The following HMCN1 variants were observed in gnomAD, a reference collection of about 807,000 sequenced individuals.
HMCN1 encodes hemicentin-1.
Under a neutral mutation model 625.9 loss-of-function variants are expected in HMCN1, and 321 were observed. The observed-to-expected ratio is 0.51, with a 90% confidence interval of 0.47 to 0.56. HMCN1 has a LOEUF of 0.56. Ranked by LOEUF, HMCN1 falls within the 20% of genes least tolerant of loss-of-function variation. HMCN1 has a pLI of 0.00. For missense variants in HMCN1, 6,588 were observed against 6,887.3 expected (o/e 0.96, Z 1.54); for synonymous variants, 2,425 against 2,417.6 (o/e 1.00, Z -0.09).
At chr1:185,876,441 T>C (rs1663936942) in intron 4 of HMCN1, among the ~76,000 whole-genome samples, 1 of 152,148 alleles carries the variant, frequency 6.6e-6, no homozygotes, top group Admixed American at 6.6e-5. Flanking sequence ...GTGGGTTTGC[T>C]GGGTCAAATG....
chr1:185,968,537 T>G (rs575854312), intron 14 of HMCN1, among the ~76,000 whole-genome samples: 1 of 151,294 alleles, frequency 6.6e-6, no homozygotes, highest in South Asian at 2.1e-4. Flanking sequence ...TTCACCAGGG[T>G]CCCCATTAAT....
At chr1:186,175,622 A>G (rs555970201) in intron 103 of HMCN1, among the ~76,000 whole-genome samples, 81 of 152,322 alleles carry the variant, frequency 5.3e-4, no homozygotes, top group Non-Finnish European at 1.0e-3. Context: ...GACTTTTCAG[A>G]ATGAAATAGT....
intron 36 of HMCN1, among the ~76,000 whole-genome samples, chr1:186,029,642 G>A (rs778286997): frequency 2.6e-5 from 4 of 151,558 alleles, no homozygotes; most frequent in African/African-American, 4.8e-5. Flanking sequence ...TGTAGCTGAA[G>A]TCTTTTTCAT....
rs142456335 is a variant in HMCN1, at chr1:186,166,857, C to T, written c.15489C>T (p.Asp5163=). ...LGRHTCHAGQ[D]CDNTIGSYRC... ...GGCATACCTGCCACGCTGGTCAGGA[C>T]TGTGACAATACGATTGGATCTTATC... The change falls in exon 100 of 107, where the codon GAC becomes GAT. Residue 5163 remains aspartate, a synonymous_variant. Transcript: ENST00000271588. The T allele has an allele frequency of 1.0e-3, 1,630 of 1,614,146 alleles. 1 individual carries two copies. Among genetic ancestry groups the T allele is most frequent in the Middle Eastern group, 4.8e-3 (29 of 6,062 alleles).
Position 186,035,714 on chromosome 1 carries a change from T to C in HMCN1, c.5750-2220T>C, listed in dbSNP as rs988242396. Reference sequence around the variant, plus strand: ...TAGCTTTATATTTTCATTGTTGATTTATATTTTATAGCTTTATTAAATTGT... The same window carrying C: ...TAGCTTTATATTTTCATTGTTGATTCATATTTTATAGCTTTATTAAATTGT... On this transcript the variant is annotated intron_variant, in intron 36 of 106. Coordinates refer to ENST00000271588, the MANE Select transcript of HMCN1 (RefSeq NM_031935.3). 3.9e-5 allele frequency among the ~76,000 whole-genome samples: 6 copies of C among 152,160 alleles called. 1 individual carries two copies.
At chr1:185,861,817 G>A (rs1252741020) in intron 2 of HMCN1, among the ~76,000 whole-genome samples, 1 of 152,136 alleles carries the variant, frequency 6.6e-6, no homozygotes, top group Non-Finnish European at 1.5e-5. Flanking sequence ...AGAGGGGAAG[G>A]CATATTATCT....
chr1:185,951,791 A>G (rs1420261444), intron 11 of HMCN1, among the ~76,000 whole-genome samples: 3 of 151,654 alleles, frequency 2.0e-5, no homozygotes, highest in African/African-American at 7.3e-5. Flanking sequence ...GTTCTGGAGG[A>G]ACGCCTGGCT....
Position 186,153,021 on chromosome 1 carries a change from A to C in HMCN1, c.15018+150A>C. On this transcript the variant is annotated intron_variant, in intron 96 of 106. Coordinates refer to ENST00000271588, the MANE Select transcript of HMCN1 (RefSeq NM_031935.3). ...AATAACTATCTGATCTTTGTTTAAAAATCTTCAGGGACAAGTTTTTACAAA... is the reference window on the plus strand; with the variant it reads ...AATAACTATCTGATCTTTGTTTAAACATCTTCAGGGACAAGTTTTTACAAA... 3.5e-6 allele frequency: 4 copies of C among 1,128,182 alleles called. No homozygotes were observed. The South Asian group carries it at 3.9e-5, about 11-fold the overall frequency. The allele number at this position is 1,128,182 out of a possible 1,614,324, so 69.9% of individuals were successfully genotyped here.
At chr1:185,926,139 T>C (rs1667265250) in intron 9 of HMCN1, among the ~76,000 whole-genome samples, 1 of 152,244 alleles carries the variant, frequency 6.6e-6, no homozygotes, top group Admixed American at 6.5e-5. Flanking sequence ...TTTAACTTAC[T>C]GTGAAACAAA....
At chr1:185,893,113 G>A (rs2102416418) in intron 4 of HMCN1, among the ~76,000 whole-genome samples, 1 of 152,338 alleles carries the variant, frequency 6.6e-6, no homozygotes, top group East Asian at 1.9e-4. Context: ...TTAGGAAAGG[G>A]AACTCCCTGA....
intron 20 of HMCN1, 65 bp downstream of exon 20, chr1:185,987,609 C>G: frequency 1.8e-6 from 2 of 1,103,830 alleles, no homozygotes; most frequent in South Asian, 1.2e-5. Context: ...CAAGTTATCC[C>G]TAGTCTTGAG....
intron 1 of HMCN1, among the ~76,000 whole-genome samples, chr1:185,803,188 CA>C (rs1245942461): frequency 0.19 from 6,565 of 33,816 alleles, 736 homozygotes; most frequent in African/African-American, 0.33. Flanking sequence ...TTAGCAGAAC[CA>C]AAAAAAAAAA....
chr1:185,872,393 C>T (rs1663673428), intron 4 of HMCN1, among the ~76,000 whole-genome samples: 1 of 152,006 alleles, frequency 6.6e-6, no homozygotes, highest in Non-Finnish European at 1.5e-5. Flanking sequence ...TTAAATGAAG[C>T]CATGTGTACT....
At chr1:186,005,595 A>G (rs1653571149) in intron 29 of HMCN1, among the ~76,000 whole-genome samples, 1 of 151,998 alleles carries the variant, frequency 6.6e-6, no homozygotes, top group South Asian at 2.1e-4. Flanking sequence ...AAAAACAAAA[A>G]TGTGTTTAAT....
At position 186,000,107 on chromosome 1, in the gene HMCN1, G is replaced by T; in HGVS notation, c.3937G>T (p.Gly1313Cys). Residue 1313 changes from glycine (G) to cysteine (C), a missense_variant, in exon 26 of 107, where the codon GGC becomes TGC. By Grantham distance (159) the Gly-to-Cys change is radical. Coordinates refer to ENST00000271588, the MANE Select transcript of HMCN1 (RefSeq NM_031935.3). ...NGRELTGREP[G>C]ISILEDGTLL... Reference sequence around the variant, plus strand: ...TAGAGAGTTGACAGGCAGAGAGCCTGGCATTTCTATCTTGGAAGATGGCAC... The same window carrying T: ...TAGAGAGTTGACAGGCAGAGAGCCTTGCATTTCTATCTTGGAAGATGGCAC... The T allele has an allele frequency of 6.2e-7, 1 of 1,613,046 alleles. No individual in the cohort carries two copies. Among genetic ancestry groups the T allele is most frequent in the Non-Finnish European group, 8.5e-7 (1 of 1,179,340 alleles).
intron 52 of HMCN1, among the ~76,000 whole-genome samples, chr1:186,073,379 A>G (rs1658591507): frequency 6.6e-6 from 1 of 152,178 alleles, no homozygotes; most frequent in Non-Finnish European, 1.5e-5. Flanking sequence ...AAACTGAAGG[A>G]AAGTAATTGG....
At chr1:185,993,480 C>A in intron 23 of HMCN1, 171 bp downstream of exon 23, 1 of 650,220 alleles carries the variant, frequency 1.5e-6, no homozygotes, top group Non-Finnish European at 2.6e-6. Flanking sequence ...GAAAAGTCTT[C>A]CTGCTATTTA....
chr1:186,011,129 T>A (rs1653975057), intron 30 of HMCN1, among the ~76,000 whole-genome samples: 1 of 152,172 alleles, frequency 6.6e-6, no homozygotes, highest in Non-Finnish European at 1.5e-5. Context: ...CACTGCAACC[T>A]CCGCCTCTTC....
At chr1:185,958,594 A>C (rs1038885039) in intron 11 of HMCN1, among the ~76,000 whole-genome samples, 6 of 152,198 alleles carry the variant, frequency 3.9e-5, no homozygotes, top group African/African-American at 1.2e-4. Flanking sequence ...AATAATAGCA[A>C]AAGTTACATC....
Sources: allele counts gnomAD v4.1 joint callset (sites outside exome capture counted in the v4.1 genomes callset), GRCh38; gene constraint gnomAD v4.1.1; transcripts MANE v1.5; gene names NCBI Gene and HGNC (gene_info 2026-07-23, HGNC 2026-07-21).